HMGCS1: variants seen among roughly 807,000 people sequenced by gnomAD.
HMGCS1 encodes 3-hydroxy-3-methylglutaryl-CoA synthase 1.
Under a neutral mutation model 52.3 loss-of-function variants are expected in HMGCS1, and 9 were observed. The observed-to-expected ratio is 0.17, with a 90% CI of 0.10 to 0.30. HMGCS1 has a LOEUF of 0.30. HMGCS1 is among the 10% of genes least tolerant of loss of function. HMGCS1 has a pLI of 1.00. For synonymous variants in HMGCS1, 176 were observed against 214.4 expected (o/e 0.82, Z 1.57); for missense variants, 320 against 620.9 (o/e 0.52, Z 5.15).
rs1372398374 is a variant in HMGCS1, at chr5:43,291,147, C to A, written c.1547G>T (p.Ser516Ile). The A allele has an allele frequency of 7.4e-7, 1 of 1,353,680 alleles. No homozygotes were observed. Among genetic ancestry groups the A allele is most frequent in the Non-Finnish European group, 9.9e-7 (1 of 1,012,958 alleles). The allele number at this position is 1,353,680 out of a possible 1,614,324, so 83.9% of individuals were successfully genotyped here. A position where few individuals can be genotyped will look rare whatever the true frequency, so the allele number is the denominator to read the frequency against. The change falls in exon 11 of 11, where the codon AGT becomes ATT. Residue 516 changes from serine (S) to isoleucine (I), a missense_variant. Physicochemically the swap from Ser to Ile is moderately radical, Grantham distance 142 (BLOSUM62 -2). Around this residue, in one of 3 missense-constraint regions of HMGCS1, gnomAD observed 213 missense variants for 337.4 expected, o/e 0.63. Transcript: ENST00000325110. The part of the protein sequence containing the change: ...TAAEPEAAVI[S>I]NGEH ...CAGAGTATCTTAATGTTCCCCATTA[C>A]TAATGACAGCTGCTTCAGGTTCTGC...
Position 43,290,888 on chromosome 5 carries a change from G to A in HMGCS1, c.*243C>T. ...CCAAAGAGGTATGAAGTTTTACAGAGCCCTTAACATCATTCGAGTACATTT... is the reference window on the plus strand; with the variant it reads ...CCAAAGAGGTATGAAGTTTTACAGAACCCTTAACATCATTCGAGTACATTT... On this transcript the variant is annotated 3_prime_UTR_variant, in exon 11 of 11. Coordinates refer to ENST00000325110, the MANE Select transcript of HMGCS1 (RefSeq NM_001098272.3). The A allele has an allele frequency of 2.3e-6, 1 of 434,398 alleles. No individual in the cohort carries two copies. Among genetic ancestry groups the A allele is most frequent in the Non-Finnish European group, 4.2e-6 (1 of 240,106 alleles). The allele number at this position is 434,398 out of a possible 1,614,324, so 26.9% of individuals were successfully genotyped here.
rs1753729063 is a variant in HMGCS1 at position 43,290,935 on chromosome 5, G to A, written c.*196C>T. Reference sequence around the variant, plus strand: ...ATTTGGCATTGGCCAGACCACAACAGGAAGCATGTCAGCAAATAGAGCAAA... The same window carrying A: ...ATTTGGCATTGGCCAGACCACAACAAGAAGCATGTCAGCAAATAGAGCAAA... On this transcript the variant is annotated 3_prime_UTR_variant, in exon 11 of 11. Coordinates refer to ENST00000325110, the MANE Select transcript of HMGCS1 (RefSeq NM_001098272.3). 1 of 544,590 alleles carries A rather than the reference G, an allele frequency of 1.8e-6. No individual in the cohort carries two copies. The highest frequency in any genetic ancestry group is 2.8e-5 in the East Asian group (1 of 35,100). The allele number at this position is 544,590 out of a possible 1,614,324, so 33.7% of individuals were successfully genotyped here. A position where few individuals can be genotyped will look rare whatever the true frequency, so the allele number is the denominator to read the frequency against.
At position 43,298,442 on chromosome 5, in the gene HMGCS1, A is replaced by G. The variant is rs183078947; in HGVS notation, c.448+76T>C. ...TTACAAAAGTTTGCGTATTGCATTA[A>G]TTAAAGTGTCATCTGGGTCTATTGA... is the stretch of plus-strand genomic sequence containing the variant. On this transcript the variant is annotated intron_variant, in intron 3 of 10. Coordinates refer to ENST00000325110, the MANE Select transcript of HMGCS1 (RefSeq NM_001098272.3). This position sits in a 1 kb window ranked among gnomAD's most constrained non-coding sequence, Gnocchi z 5.6. The G allele has an allele frequency of 1.1e-4, 120 of 1,067,046 alleles. No homozygotes were observed. Among genetic ancestry groups the G allele is most frequent in the African/African-American group, 7.9e-4 (50 of 62,984 alleles). The allele number at this position is 1,067,046 out of a possible 1,614,324, so 66.1% of individuals were successfully genotyped here. A position where few individuals can be genotyped will look rare whatever the true frequency, so the allele number is the denominator to read the frequency against.
chr5:43,291,758 G>A (rs950270024), intron 10 of HMGCS1, among the ~76,000 whole-genome samples: 2 of 152,072 alleles, frequency 1.3e-5, no homozygotes, highest in African/African-American at 2.4e-5. Flanking sequence ...ATAAGAAAAC[G>A]TAAGTAAAGT....
At position 43,287,702 on chromosome 5, in the gene HMGCS1, T is replaced by C. The variant is rs1207868849; in HGVS notation, c.*3429A>G. The C allele has an allele frequency of 6.6e-6, 1 of 152,226 alleles. No homozygotes were observed. The highest frequency in any genetic ancestry group is 1.5e-5 in the Non-Finnish European group (1 of 68,060). 9.4% of individuals were successfully genotyped at this position (152,226 alleles called of 1,614,324 possible). A position where few individuals can be genotyped will look rare whatever the true frequency, so the allele number is the denominator to read the frequency against. On this transcript the variant is annotated 3_prime_UTR_variant, in exon 11 of 11. Coordinates refer to ENST00000325110, the MANE Select transcript of HMGCS1 (RefSeq NM_001098272.3). ...TCCACCTAGGTCAAGGATGGCCCCATGGGCACCTAACTCCCCTGCACCTTT... is the reference window on the plus strand; with the variant it reads ...TCCACCTAGGTCAAGGATGGCCCCACGGGCACCTAACTCCCCTGCACCTTT...
At chr5:43,304,413 C>T (rs771192010) in intron 2 of HMGCS1, among the ~76,000 whole-genome samples, 3 of 152,212 alleles carry the variant, frequency 2.0e-5, no homozygotes, top group Non-Finnish European at 4.4e-5. Flanking sequence ...TTGCAATATA[C>T]TTGTACTCAC....
chr5:43,298,701 G>A lies in HMGCS1; in HGVS notation c.265C>T (p.Arg89Trp), dbSNP rs780589640. 6 of 1,614,144 alleles carry A rather than the reference G, an allele frequency of 3.7e-6. No homozygotes were observed. The highest frequency in any genetic ancestry group is 3.3e-5 in the South Asian group (3 of 91,084). ...RNNLSYDCIG[R>W]LEVGTETIID... ...ATTGTCTCTGTTCCAACTTCCAGCC[G>A]CCCAATGCAATCATAGGAAAGGTTA... Residue 89 changes from arginine (R) to tryptophan (W), a missense_variant, in exon 3 of 11, where the codon CGG becomes TGG. Transcript: ENST00000325110. This position sits in a 1 kb window ranked among gnomAD's most constrained non-coding sequence, Gnocchi z 5.6.
At chr5:43,303,528 T>C (rs1356374193) in intron 2 of HMGCS1, among the ~76,000 whole-genome samples, 1 of 152,194 alleles carries the variant, frequency 6.6e-6, no homozygotes, top group South Asian at 2.1e-4. Flanking sequence ...ACCTACTCTA[T>C]GGTATTTTGC....
intron 1 of HMGCS1, among the ~76,000 whole-genome samples, chr5:43,312,414 C>A (rs1482978183): frequency 6.6e-6 from 1 of 152,226 alleles, no homozygotes; most frequent in Non-Finnish European, 1.5e-5. Flanking sequence ...ACAAGCATGA[C>A]AAACAGGCAC....
chr5:43,296,257 G>C (rs1383593115), intron 5 of HMGCS1, among the ~76,000 whole-genome samples: 1 of 151,756 alleles, frequency 6.6e-6, no homozygotes, highest in Non-Finnish European at 1.5e-5. Context: ...TTGCAGCAAG[G>C]GTAAGTAATG....
chr5:43,291,987 CTTTTTTTT>C (rs537398917), intron 10 of HMGCS1, among the ~76,000 whole-genome samples: 3 of 83,114 alleles, frequency 3.6e-5, no homozygotes, highest in African/African-American at 5.5e-5. Flanking sequence ...ACTGTATATT[CTTTTTTTT>C]TTTTTTTTTT....
chr5:43,298,421 A>G lies in HMGCS1; in HGVS notation c.448+97T>C. The G allele has an allele frequency of 1.1e-6, 1 of 877,828 alleles. No homozygotes were observed. The highest frequency in any genetic ancestry group is 1.8e-6 in the Non-Finnish European group (1 of 562,780). The allele number at this position is 877,828 out of a possible 1,614,324, so 54.4% of individuals were successfully genotyped here. On this transcript the variant is annotated intron_variant, in intron 3 of 10. Transcript: ENST00000325110. This position sits in a 1 kb window ranked among gnomAD's most constrained non-coding sequence, Gnocchi z 5.6. The stretch of plus-strand genomic sequence containing the variant: ...ATATATCCAAACAAGGACAAATTAC[A>G]AAAGTTTGCGTATTGCATTAATTAA...
intron 4 of HMGCS1, 56 bp from the exon 5 acceptor site, chr5:43,297,222 G>A: frequency 7.1e-7 from 1 of 1,403,164 alleles, no homozygotes; most frequent in Non-Finnish European, 9.9e-7. Context: ...ATGTCTGTAT[G>A]TTAATAAGTA....
chr5:43,292,500 G>A lies in HMGCS1; in HGVS notation c.1447C>T (p.Leu483Phe). ...NDDTLDEGVG[L>F]VHSNIATEHI... is the part of the protein sequence containing the mutation. ...TCAGTTGCTATGTTTGAATGCACAA[G>A]TCCTACTCCTTCATCCAAAGTGTCA... is the stretch of plus-strand genomic sequence containing the variant. The change falls in exon 10 of 11, where the codon CTT becomes TTT. Residue 483 changes from leucine (L) to phenylalanine (F), a missense_variant. Coordinates refer to ENST00000325110, the MANE Select transcript of HMGCS1 (RefSeq NM_001098272.3). 2.5e-6 allele frequency: 4 copies of A among 1,613,908 alleles called. No homozygotes were observed. Among genetic ancestry groups the A allele is most frequent in the Non-Finnish European group, 3.4e-6 (4 of 1,179,872 alleles).
intron 10 of HMGCS1, 58 bp downstream of exon 10, chr5:43,292,416 A>G (rs1753820000): frequency 7.0e-7 from 1 of 1,427,026 alleles, no homozygotes; most frequent in Non-Finnish European, 9.8e-7. Context: ...TTATGTTGCT[A>G]AATCCCAGTT....
At chr5:43,309,017 TTTA>T (rs968259426) in intron 1 of HMGCS1, among the ~76,000 whole-genome samples, 10 of 152,150 alleles carry the variant, frequency 6.6e-5, no homozygotes, top group African/African-American at 2.4e-4. Flanking sequence ...ATCTTTGTTC[TTTA>T]TTATCTCAAA....
chr5:43,309,362 C>A (rs561512249), intron 1 of HMGCS1, among the ~76,000 whole-genome samples: 1 of 151,986 alleles, frequency 6.6e-6, no homozygotes, highest in Admixed American at 6.6e-5. Context: ...TCTCAGACCC[C>A]GCAAGTAGCT....
At chr5:43,293,035 C>T in intron 8 of HMGCS1, 62 bp from the exon 9 acceptor site, 1 of 1,439,110 alleles carries the variant, frequency 6.9e-7, no homozygotes, top group Non-Finnish European at 9.5e-7. Flanking sequence ...CAAAAGAAGC[C>T]TAAGTAAAAT....
intron 2 of HMGCS1, among the ~76,000 whole-genome samples, chr5:43,307,409 AGATACATATCTTTT>A (rs1202427438): frequency 1.3e-5 from 2 of 152,256 alleles, no homozygotes; most frequent in African/African-American, 4.8e-5. Flanking sequence ...TCCACAGCCC[AGATACATATCTTTT>A]GAGGCCATAA....
Sources: gnomAD v4.1 joint callset for allele counts (sites outside exome capture counted in the v4.1 genomes callset) on GRCh38, gnomAD v4.1.1 for gene constraint, gnomAD v4.1.1 regional missense constraint, Gnocchi (gnomAD v3.1) non-coding constraint, MANE v1.5 for transcripts, NCBI Gene and HGNC (gene_info 2026-07-23, HGNC 2026-07-21) for gene names.